The following ABCF3 variants were observed in gnomAD, a reference collection of about 807,000 sequenced individuals.
ABCF3 encodes the protein ATP-binding cassette sub-family F member 3.
In ABCF3, 62 loss-of-function variants were observed where a neutral mutation model predicts 94.3. That is an observed-to-expected ratio of 0.66 (90% CI 0.54 to 0.81). The LOEUF is 0.81. Among genes scored for constraint, ABCF3 ranks in the 40% least tolerant of loss-of-function variants. ABCF3 has a pLI of 0.00. For synonymous variants in ABCF3, 355 were observed against 361.1 expected, an observed-to-expected ratio of 0.98 and a Z score of 0.19; for missense variants, 843 against 925.3, an observed-to-expected ratio of 0.91 and a Z score of 1.15.
rs1560134797 is a variant in ABCF3, at chr3:184,189,705, T to C, written c.1262T>C (p.Leu421Pro). ...TFIKSKQERLLNQQREYEAQQ... is the reference protein window; with the variant it reads ...TFIKSKQERLPNQQREYEAQQ... Reference sequence around the variant, plus strand: ...ATCAAGAGTAAGCAGGAGCGGCTGCTCAACCAGCAGCGTGAATATGAGGCG... The same window carrying C: ...ATCAAGAGTAAGCAGGAGCGGCTGCCCAACCAGCAGCGTGAATATGAGGCG... Residue 421 changes from leucine to proline, a missense_variant, in exon 13 of 21, where the codon CTC (leucine) becomes CCC (proline). By Grantham distance (98) the Leu-to-Pro change is moderately conservative. Coordinates refer to ENST00000429586, the MANE Select transcript of ABCF3 (RefSeq NM_018358.3). 1 of 1,614,070 alleles carries C rather than the reference T, an allele frequency of 6.2e-7. No homozygotes were observed. Among genetic ancestry groups the C allele is most frequent in the African/African-American group, 1.3e-5 (1 of 75,050 alleles).
chr3:184,192,743 T>C lies in ABCF3; in HGVS notation c.1658+54T>C, dbSNP rs2109046689. ...TGAGCACATTTGCAGGCACCCATGCTGCCTGCGCTCCTTCGTGGCCATTGC... is the reference window on the plus strand; with the variant it reads ...TGAGCACATTTGCAGGCACCCATGCCGCCTGCGCTCCTTCGTGGCCATTGC... On this transcript the variant is annotated intron_variant, in intron 17 of 20. Transcript: ENST00000429586. The C allele has an allele frequency of 2.5e-6, 4 of 1,610,152 alleles. No homozygotes were observed. In the East Asian group the frequency reaches 8.9e-5, roughly 36 times the overall value.
intron 7 of ABCF3, 171 bp downstream of exon 7, chr3:184,188,578 C>T: frequency 9.4e-7 from 1 of 1,063,346 alleles, no homozygotes; most frequent in Non-Finnish European, 1.3e-6. Context: ...ATTGCCCTTT[C>T]TTGTTCTTTC....
At chr3:184,186,358 G>C in intron 1 of ABCF3, 78 bp downstream of exon 1, 1 of 1,601,412 alleles carries the variant, frequency 6.2e-7, no homozygotes. Context: ...TCGTGCCCGG[G>C]ACTGTTGCCA....
At position 184,193,017 on chromosome 3, in the gene ABCF3, G is replaced by T; in HGVS notation, c.1751-85G>T. On this transcript the variant is annotated intron_variant, in intron 18 of 20. Transcript: ENST00000429586. This position sits in a 1 kb window ranked among gnomAD's most constrained non-coding sequence, Gnocchi z 5.2. ...CAGCCCCGCCAAGCCTAGATGGAAG[G>T]ACATGGGGACTTGGAGGTGTGGCTG... The T allele has an allele frequency of 6.4e-7, 1 of 1,551,958 alleles. No individual in the cohort carries two copies. The highest frequency in any genetic ancestry group is 8.7e-7 in the Non-Finnish European group (1 of 1,147,076).
intron 14 of ABCF3, 42 bp from the exon 15 acceptor site, chr3:184,190,957 T>C: frequency 6.2e-7 from 1 of 1,608,420 alleles, no homozygotes; most frequent in African/African-American, 1.3e-5. Flanking sequence ...GGAAGTTATT[T>C]TTTTAAGTAA....
intron 16 of ABCF3, 84 bp downstream of exon 16, chr3:184,191,339 T>A: frequency 6.3e-7 from 1 of 1,593,180 alleles, no homozygotes; most frequent in Non-Finnish European, 8.5e-7. Flanking sequence ...CCTCAGGCTG[T>A]AAAGGGACGA....
rs375009324 is a variant in ABCF3 at position 184,191,749 on chromosome 3, C to CTTTTTTTTTTTT, written c.1569+497_1569+508dup. 2.3e-4 allele frequency among the ~76,000 whole-genome samples: 26 copies of CTTTTTTTTTTTT among 114,710 alleles called. 2 individuals are homozygous for CTTTTTTTTTTTT. The highest frequency in any genetic ancestry group is 6.2e-4 in the African/African-American group (17 of 27,274). The allele number at this position is 114,710 out of a possible 152,430, so 75.3% of individuals were successfully genotyped here. ...GCATTTTTCTGTAGAGTTAGAGTTC[C>CTTTTTTTTTTTT]TTTTTTTTTTTTTTCGGAGACAGAG... On this transcript the variant is annotated intron_variant, in intron 16 of 20. Coordinates refer to ENST00000429586, the MANE Select transcript of ABCF3 (RefSeq NM_018358.3).
rs1286002426 is a variant in ABCF3 at position 184,188,385 on chromosome 3, A to G, written c.814A>G (p.Thr272Ala). ...TTTGCTACGGAGGGAGCGGGAGCTC[A>G]CTGCCCAGATTGCTGCTGGCAGGTG... The part of the protein sequence containing the change: ...EDLLRREREL[T>A]AQIAAGRAEG... Residue 272 changes from threonine to alanine, a missense_variant, in exon 7 of 21, where the codon ACT becomes GCT. By Grantham distance (58) the Thr-to-Ala change is moderately conservative (BLOSUM62 0). Transcript: ENST00000429586. 3 of 1,610,036 alleles carry G rather than the reference A, an allele frequency of 1.9e-6. No individual in the cohort carries two copies. The African/African-American group carries it at 4.0e-5, about 22-fold the overall frequency.
intron 16 of ABCF3, among the ~76,000 whole-genome samples, chr3:184,191,475 C>T (rs534982741): frequency 5.3e-5 from 8 of 151,800 alleles, no homozygotes; most frequent in Admixed American, 1.3e-4. Context: ...TTTAAAAATA[C>T]TTAAAAATAC....
Position 184,186,614 on chromosome 3 carries a change from A to T in ABCF3, c.181A>T (p.Ile61Phe), listed in dbSNP as rs1392749675. Residue 61 changes from isoleucine (I) to phenylalanine (F), a missense_variant, in exon 2 of 21, where the codon ATC becomes TTC. By Grantham distance (21) the Ile-to-Phe change is conservative. Coordinates refer to ENST00000429586, the MANE Select transcript of ABCF3 (RefSeq NM_018358.3). ...VSGDSKDDAG[I>F]RAVCQRMYNT... ...CGGGGACAGCAAGGATGACGCGGGC[A>T]TCAGGGCCGTGTGCCAGCGCATGTA... 1 of 1,613,484 alleles carries T rather than the reference A, an allele frequency of 6.2e-7. No individual in the cohort carries two copies. Among genetic ancestry groups the T allele is most frequent in the Non-Finnish European group, 8.5e-7 (1 of 1,179,722 alleles).
At position 184,193,628 on chromosome 3, in the gene ABCF3, G is replaced by A. The variant is rs76223160; in HGVS notation, c.2060G>A (p.Arg687His). 374 of 1,614,114 alleles carry A rather than the reference G, an allele frequency of 2.3e-4. 1 individual carries two copies. In the East Asian group the frequency reaches 6.0e-3, roughly 26 times the overall value. ...GTATGCGAAGGAGGCGGCGTCACCCGTGTGGAAGGAGGATTTGACCAGTAC... is the reference window on the plus strand; with the variant it reads ...GTATGCGAAGGAGGCGGCGTCACCCATGTGGAAGGAGGATTTGACCAGTAC... ...LWVCEGGGVT[R>H]VEGGFDQYRA... The change falls in exon 21 of 21, where the codon CGT becomes CAT. Residue 687 changes from arginine to histidine, a missense_variant. Coordinates refer to ENST00000429586, the MANE Select transcript of ABCF3 (RefSeq NM_018358.3). This position sits in a 1 kb window ranked among gnomAD's most constrained non-coding sequence, Gnocchi z 5.2.
In ABCF3 at chr3:184,191,052, T is replaced by C; in HGVS notation, c.1436+9T>C. On this transcript the variant is annotated intron_variant, in intron 15 of 20. Coordinates refer to ENST00000429586, the MANE Select transcript of ABCF3 (RefSeq NM_018358.3). ...TCAGAGGTCGTAATGAAGTAAGTGC[T>C]GGGCCAGTGGGGCTGGTGGGGAATT... 1.2e-6 allele frequency: 2 copies of C among 1,614,240 alleles called. No homozygotes were observed. Among genetic ancestry groups the C allele is most frequent in the Non-Finnish European group, 1.7e-6 (2 of 1,180,044 alleles).
intron 4 of ABCF3, 34 bp from the exon 5 acceptor site, chr3:184,187,630 C>T (rs2109039876): frequency 2.5e-6 from 4 of 1,612,160 alleles, no homozygotes; most frequent in East Asian, 2.2e-5. Flanking sequence ...TGAGCCTACA[C>T]CCGAGAGTGA....
rs754126039 is a variant in ABCF3 at position 184,188,787 on chromosome 3, T to G, written c.863T>G (p.Leu288Arg). ...GCGGAGGGCTCTGAAGCTGCAGAGC[T>G]GGCAGAAATCTATGCCAAACTGGAG... ...GRAEGSEAAE[L>R]AEIYAKLEEI... is the part of the protein sequence containing the mutation. The change falls in exon 8 of 21, where the codon CTG becomes CGG. Residue 288 changes from leucine (L) to arginine (R), a missense_variant. Physicochemically the swap from Leu to Arg is moderately radical, Grantham distance 102 (BLOSUM62 -2). Transcript: ENST00000429586. 6.2e-7 allele frequency: 1 copy of G among 1,613,982 alleles called. No individual in the cohort carries two copies. The highest frequency in any genetic ancestry group is 8.5e-7 in the Non-Finnish European group (1 of 1,179,898).
intron 4 of ABCF3, 103 bp from the exon 5 acceptor site, chr3:184,187,561 G>A: frequency 6.5e-7 from 1 of 1,540,788 alleles, no homozygotes; most frequent in Non-Finnish European, 9.0e-7. Flanking sequence ...CTTTGAGTCT[G>A]TTCATCATGG....
rs201398299 is a variant in ABCF3, at chr3:184,190,982, C to G, written c.1392-17C>G. On this transcript the variant is annotated splice_polypyrimidine_tract_variant and intron_variant, in intron 14 of 20. Coordinates refer to ENST00000429586, the MANE Select transcript of ABCF3 (RefSeq NM_018358.3). ...TTTTTAAGTAATAAATCTAGTCTAC[C>G]TCATCTCTTCTCCCAGGCCTGAGCT... 2.5e-6 allele frequency: 4 copies of G among 1,613,740 alleles called. No homozygotes were observed. The highest frequency in any genetic ancestry group is 3.4e-6 in the Non-Finnish European group (4 of 1,179,888).
At position 184,188,162 on chromosome 3, in the gene ABCF3, T is replaced by C; in HGVS notation, c.591T>C (p.Asp197=). Residue 197 remains aspartate, a synonymous_variant, in exon 7 of 21, where the codon GAT becomes GAC. Coordinates refer to ENST00000429586, the MANE Select transcript of ABCF3 (RefSeq NM_018358.3). ...FGDRVLLAGA[D]VNLAWGRRYG... is the part of the protein sequence containing the mutation. The stretch of plus-strand genomic sequence containing the variant: ...GCAGAGTACTGCTGGCTGGAGCGGA[T>C]GTGAACCTGGCATGGGGCCGCCGTT... 2 of 1,614,026 alleles carry C rather than the reference T, an allele frequency of 1.2e-6. No homozygotes were observed. Among genetic ancestry groups the C allele is most frequent in the Non-Finnish European group, 1.7e-6 (2 of 1,180,010 alleles).
intron 14 of ABCF3, 59 bp from the exon 15 acceptor site, chr3:184,190,940 T>G: frequency 6.3e-7 from 1 of 1,588,356 alleles, no homozygotes; most frequent in East Asian, 2.3e-5. Context: ...CATATATTAC[T>G]CGTGTAGGAA....
Position 184,193,911 on chromosome 3 carries a change from T to TG in ABCF3, c.*219dup, listed in dbSNP as rs1716192719. The TG allele has an allele frequency of 8.3e-6, 5 of 605,668 alleles. No individual in the cohort carries two copies. Among genetic ancestry groups the TG allele is most frequent in the Non-Finnish European group, 1.4e-5 (5 of 360,850 alleles). 37.5% of individuals were successfully genotyped at this position (605,668 alleles called of 1,614,324 possible). On this transcript the variant is annotated 3_prime_UTR_variant, in exon 21 of 21. Coordinates refer to ENST00000429586, the MANE Select transcript of ABCF3 (RefSeq NM_018358.3). This position sits in a 1 kb window ranked among gnomAD's most constrained non-coding sequence, Gnocchi z 5.2. ...GACTGGTCTCCCGGGGGTGGGGGTC[T>TG]GGGGGGTACCCTCTGGGGTTATAGA...
Sources: allele counts gnomAD v4.1 joint callset (sites outside exome capture counted in the v4.1 genomes callset), GRCh38; gene constraint gnomAD v4.1.1; non-coding constraint Gnocchi (gnomAD v3.1); transcripts MANE v1.5; gene names NCBI Gene and HGNC (gene_info 2026-07-23, HGNC 2026-07-21).